Variants in OXR1 observed in about 807,000 individuals in gnomAD.
The protein encoded by OXR1 is oxidation resistance protein 1.
A neutral mutation model predicts 104.6 loss-of-function variants in OXR1; 41 were observed. The ratio of observed to expected loss-of-function variants is 0.39; its 90% CI spans 0.31 to 0.51. The LOEUF (loss-of-function observed/expected upper bound fraction) is 0.51. OXR1 is among the 20% of genes least tolerant of loss of function. OXR1 has a pLI of 0.77. For missense variants in OXR1, 955 were observed against 1,031.9 expected, an observed-to-expected ratio of 0.93 and a Z score of 1.02; for synonymous variants, 348 against 348.4, an observed-to-expected ratio of 1.00 and a Z score of 0.01.
intron 3 of OXR1, among the ~76,000 whole-genome samples, chr8:106,628,378 G>A (rs921310352): frequency 1.3e-5 from 2 of 152,098 alleles, no homozygotes; most frequent in Admixed American, 1.3e-4. Flanking sequence ...AACCCCAAGA[G>A]ATGTAAATGC....
rs1252164049 is a variant in OXR1, at chr8:106,737,438, CTCTTTTTTTTTTTTT to C, written c.1957-80_1957-66del. 22 of 323,882 alleles carry C rather than the reference CTCTTTTTTTTTTTTT, an allele frequency of 6.8e-5. No homozygotes were observed. In the Admixed American group the frequency reaches 7.4e-4, roughly 11 times the overall value. 20.1% of individuals were successfully genotyped at this position (323,882 alleles called of 1,614,324 possible). ...AGTTCTCTTCCCATTTTAATTTCTC[CTCTTTTTTTTTTTTT>C]TTTTTTTTTTTTTGCTGTTTTTCTC... is the stretch of plus-strand genomic sequence containing the variant. On this transcript the variant is annotated intron_variant, in intron 11 of 16. Transcript: ENST00000517566.
At chr8:106,459,237 C>T (rs964861540) in intron 2 of OXR1, among the ~76,000 whole-genome samples, 1 of 151,926 alleles carries the variant, frequency 6.6e-6, no homozygotes, top group South Asian at 2.1e-4. Flanking sequence ...AGAATTAATG[C>T]TGTTATTGGG....
intron 11 of OXR1, among the ~76,000 whole-genome samples, chr8:106,720,497 A>G (rs1587233890): frequency 6.6e-6 from 1 of 152,254 alleles, no homozygotes; most frequent in Non-Finnish European, 1.5e-5. Flanking sequence ...TGCAAGTTAT[A>G]TGAAATACTT....
chr8:106,473,780 T>A (rs1319391455), intron 2 of OXR1, among the ~76,000 whole-genome samples: 1 of 151,102 alleles, frequency 6.6e-6, no homozygotes, highest in East Asian at 2.0e-4. Flanking sequence ...GTAGTTTTAG[T>A]TTTGCCTACT....
chr8:106,524,718 C>G (rs536866864), intron 3 of OXR1, among the ~76,000 whole-genome samples: 1 of 151,974 alleles, frequency 6.6e-6, no homozygotes, highest in Non-Finnish European at 1.5e-5. Context: ...ATGAGCACAC[C>G]GGTAAGCAAA....
chr8:106,396,457 A>G (rs1817787182), intron 2 of OXR1, among the ~76,000 whole-genome samples: 1 of 152,092 alleles, frequency 6.6e-6, no homozygotes, highest in Non-Finnish European at 1.5e-5. Flanking sequence ...ATGAGAAAAA[A>G]AATTATGAAA....
chr8:106,581,050 G>A, intron 3 of OXR1: 1 of 1,158,874 alleles, frequency 8.6e-7, no homozygotes, highest in South Asian at 1.8e-5. Context: ...GTGGGAAGGT[G>A]TAGACTTCTC....
intron 2 of OXR1, among the ~76,000 whole-genome samples, chr8:106,366,130 A>G (rs1000697570): frequency 2.6e-5 from 4 of 152,226 alleles, no homozygotes; most frequent in Admixed American, 2.6e-4. Flanking sequence ...GGAAAAATAT[A>G]AACATGAAAA....
intron 7 of OXR1, among the ~76,000 whole-genome samples, chr8:106,694,917 TTATA>T (rs1044056842): frequency 9.9e-5 from 13 of 130,776 alleles, no homozygotes; most frequent in Non-Finnish European, 1.6e-4. Context: ...ATTTACATAT[TTATA>T]TATATTTATA....
intron 2 of OXR1, among the ~76,000 whole-genome samples, chr8:106,514,249 TTTAA>T (rs1405936061): frequency 6.6e-6 from 1 of 152,178 alleles, no homozygotes; most frequent in Non-Finnish European, 1.5e-5. Flanking sequence ...GTTTAACGCA[TTTAA>T]TTAAGAACAT....
intron 3 of OXR1, among the ~76,000 whole-genome samples, chr8:106,529,947 A>G (rs551460177): frequency 6.6e-6 from 1 of 152,322 alleles, no homozygotes; most frequent in South Asian, 2.1e-4. Flanking sequence ...GAAATTTCCT[A>G]AATCACTATT....
At chr8:106,653,903 A>G (rs566718134) in intron 3 of OXR1, among the ~76,000 whole-genome samples, 1 of 152,076 alleles carries the variant, frequency 6.6e-6, no homozygotes, top group Non-Finnish European at 1.5e-5. Flanking sequence ...AAGATACAAG[A>G]ACAGTATTCA....
At chr8:106,663,064 A>G (rs564792270) in intron 3 of OXR1, among the ~76,000 whole-genome samples, 1 of 152,308 alleles carries the variant, frequency 6.6e-6, no homozygotes, top group East Asian at 1.9e-4. Context: ...TCCTTTAGGA[A>G]GATTCAAAAA....
chr8:106,302,977 T>C (rs1586495817), intron 1 of OXR1, among the ~76,000 whole-genome samples: 1 of 151,944 alleles, frequency 6.6e-6, no homozygotes, highest in East Asian at 2.0e-4. Flanking sequence ...ATGGTCTCAA[T>C]CTCCTGACCT....
intron 2 of OXR1, among the ~76,000 whole-genome samples, chr8:106,416,603 G>A (rs2186399): frequency 0.38 from 57,669 of 151,798 alleles, 12,259 homozygotes; most frequent in East Asian, 0.7. Context: ...GATAATGCAA[G>A]CAAAGTGAAT....
chr8:106,447,933 T>G (rs1395137880), intron 2 of OXR1: 12 of 1,533,564 alleles, frequency 7.8e-6, no homozygotes, highest in Non-Finnish European at 9.6e-6. Context: ...TAACGAGACA[T>G]CTAGTACGGG....
chr8:106,293,760 G>A (rs1456509845), intron 1 of OXR1, among the ~76,000 whole-genome samples: 2 of 152,022 alleles, frequency 1.3e-5, no homozygotes, highest in East Asian at 1.9e-4. Context: ...TGGCAAAAGG[G>A]CAAAAGACAG....
intron 2 of OXR1, among the ~76,000 whole-genome samples, chr8:106,371,584 C>T (rs1816709543): frequency 1.3e-5 from 2 of 152,156 alleles, no homozygotes; most frequent in Admixed American, 1.3e-4. Flanking sequence ...AGAGATTCTG[C>T]TACGTTGTCT....
intron 1 of OXR1, among the ~76,000 whole-genome samples, chr8:106,331,997 AGTGT>A (rs3073756): frequency 0.11 from 15,812 of 137,998 alleles, 1,013 homozygotes; most frequent in African/African-American, 0.2. Flanking sequence ...GAAAGAACAT[AGTGT>A]GTGTGTGTGT....
Sources: gnomAD v4.1 joint callset for allele counts (sites outside exome capture counted in the v4.1 genomes callset) on GRCh38, gnomAD v4.1.1 for gene constraint, MANE v1.5 for transcripts, NCBI Gene and HGNC (gene_info 2026-07-23, HGNC 2026-07-21) for gene names.